Variants in IQSEC1 observed in about 807,000 individuals in gnomAD.
IQSEC1 encodes the protein IQ motif and Sec7 domain ArfGEF 1.
In IQSEC1, 31 loss-of-function variants were observed where a neutral mutation model predicts 91.0. The ratio of observed to expected loss-of-function variants is 0.34; its 90% CI spans 0.26 to 0.46. The LOEUF (loss-of-function observed/expected upper bound fraction) is 0.46, where lower values mean the gene tolerates loss of function less well. Ranked by LOEUF, IQSEC1 falls within the 20% of genes least tolerant of loss-of-function variation. The pLI is 1.00. For synonymous variants in IQSEC1, 699 were observed against 662.6 expected, an observed-to-expected ratio of 1.05 and a Z score of -0.84; for missense variants, 1,388 against 1,575.6, an observed-to-expected ratio of 0.88 and a Z score of 2.02.
At chr3:12,923,189 C>CG (rs1222259669) in intron 4 of IQSEC1, among the ~76,000 whole-genome samples, 1 of 151,872 alleles carries the variant, frequency 6.6e-6, no homozygotes. Flanking sequence ...TGTGGTGGCC[C>CG]GGGGGAGCCA....
At chr3:12,977,004 G>A (rs1701212118) in intron 1 of IQSEC1, among the ~76,000 whole-genome samples, 1 of 152,212 alleles carries the variant, frequency 6.6e-6, no homozygotes. Context: ...GGAGAGCTCA[G>A]TATTTAAAGG....
chr3:12,902,286 G>A (rs1341506139), intron 13 of IQSEC1, among the ~76,000 whole-genome samples: 3 of 152,068 alleles, frequency 2.0e-5, no homozygotes, highest in African/African-American at 7.2e-5. Context: ...GTGTCCTGCC[G>A]CAGACACACA....
intron 2 of IQSEC1, among the ~76,000 whole-genome samples, chr3:13,095,866 G>A (rs1034312800): frequency 6.6e-6 from 1 of 152,242 alleles, no homozygotes; most frequent in Non-Finnish European, 1.5e-5. Context: ...TGGGAAGGAT[G>A]AGGCTGAGGG....
At chr3:13,070,546 G>A (rs979433335) in intron 1 of IQSEC1, among the ~76,000 whole-genome samples, 1 of 152,236 alleles carries the variant, frequency 6.6e-6, no homozygotes, top group African/African-American at 2.4e-5. Flanking sequence ...GCCTGCCGCG[G>A]GTTCTGGGTG....
At chr3:13,072,380 A>G (rs1705463595) in intron 1 of IQSEC1, among the ~76,000 whole-genome samples, 1 of 152,184 alleles carries the variant, frequency 6.6e-6, no homozygotes, top group Non-Finnish European at 1.5e-5. Context: ...TGGTTTCCAT[A>G]AATACCCGGG....
At chr3:12,971,536 T>C (rs571823143) in intron 1 of IQSEC1, among the ~76,000 whole-genome samples, 46 of 152,264 alleles carry the variant, frequency 3.0e-4, no homozygotes, top group African/African-American at 1.0e-3. Flanking sequence ...TGCATACTTA[T>C]AGGAAAAGAT....
In IQSEC1 at chr3:13,071,903, C is replaced by T. The variant is rs192370306; in HGVS notation, c.23+1089G>A. 1.4e-4 allele frequency among the ~76,000 whole-genome samples: 22 copies of T among 152,364 alleles called. No homozygotes were observed. The East Asian group carries it at 3.7e-3, about 25-fold the overall frequency. ...CACCGCCATCCCCCGTGGGTTGCCG[C>T]CTGGCACTGCTGACGCAGCAGAGGC... On this transcript the variant is annotated intron_variant, in intron 1 of 13. Transcript: ENST00000613206.
chr3:13,125,710 G>C (rs1706501864), intron 2 of IQSEC1, among the ~76,000 whole-genome samples: 1 of 152,204 alleles, frequency 6.6e-6, no homozygotes, highest in African/African-American at 2.4e-5. Context: ...CCGCTTGTGG[G>C]GGATAAGGGC....
chr3:12,963,814 T>C (rs1034915457), intron 1 of IQSEC1, among the ~76,000 whole-genome samples: 1 of 152,172 alleles, frequency 6.6e-6, no homozygotes, highest in African/African-American at 2.4e-5. Flanking sequence ...TCAGTAAATG[T>C]TTGTTGTGTG....
At chr3:13,260,948 C>T (rs1695375421) in intron 1 of IQSEC1, among the ~76,000 whole-genome samples, 1 of 152,184 alleles carries the variant, frequency 6.6e-6, no homozygotes, top group African/African-American at 2.4e-5. Flanking sequence ...ACAGCAGAGA[C>T]TGGTGGAAAT....
intron 1 of IQSEC1, among the ~76,000 whole-genome samples, chr3:12,954,899 G>A (rs1173054612): frequency 6.6e-6 from 1 of 152,304 alleles, no homozygotes. Context: ...GGGGCAGAAC[G>A]GGTCCTCAGT....
intron 2 of IQSEC1, among the ~76,000 whole-genome samples, chr3:13,115,664 CT>C (rs1357655947): frequency 4.6e-5 from 7 of 152,242 alleles, no homozygotes; most frequent in Non-Finnish European, 1.0e-4. Flanking sequence ...GTTCTGGCCC[CT>C]GTCACTTGTC....
chr3:13,116,600 T>C (rs1706339702), intron 2 of IQSEC1, among the ~76,000 whole-genome samples: 1 of 152,050 alleles, frequency 6.6e-6, no homozygotes, highest in African/African-American at 2.4e-5. Flanking sequence ...CATGACACTA[T>C]ACACAAAAGC....
chr3:13,017,020 C>T (rs1231428102), intron 1 of IQSEC1, among the ~76,000 whole-genome samples: 1 of 152,196 alleles, frequency 6.6e-6, no homozygotes, highest in Non-Finnish European at 1.5e-5. Flanking sequence ...GCATGATGTC[C>T]TCAAGGTTCA....
intron 1 of IQSEC1, among the ~76,000 whole-genome samples, chr3:13,006,911 C>A (rs567600243): frequency 2.0e-5 from 3 of 152,232 alleles, no homozygotes; most frequent in African/African-American, 4.8e-5. Flanking sequence ...ACTGGCGGAG[C>A]CCCTGCAGCC....
rs150728897 is a variant in IQSEC1 at position 13,193,103 on chromosome 3, T to C, written c.273-28970A>G. ...GACAGGAACCCAGTTGCAGCAGGGA[T>C]GGGCAGTGTCTTTTCTCAGCCTTGT... On this transcript the variant is annotated intron_variant, in intron 1 of 15. Transcript: ENST00000648114. The surrounding 1 kb of genome is among the most constrained non-coding windows in gnomAD (Gnocchi z 4.2). Among the ~76,000 whole-genome samples the C allele has an allele frequency of 1.2e-4, 19 of 152,326 alleles. No individual in the cohort carries two copies. In the East Asian group the frequency reaches 3.7e-3, roughly 29 times the overall value.
At chr3:12,986,784 G>T (rs566406467) in intron 1 of IQSEC1, among the ~76,000 whole-genome samples, 1 of 152,212 alleles carries the variant, frequency 6.6e-6, no homozygotes, top group Non-Finnish European at 1.5e-5. Flanking sequence ...GTGCCTGTGC[G>T]CATATGTGAG....
At chr3:13,058,106 C>T (rs1373282694) in intron 1 of IQSEC1, among the ~76,000 whole-genome samples, 1 of 152,146 alleles carries the variant, frequency 6.6e-6, no homozygotes. Flanking sequence ...AACCCTGTCT[C>T]AACTAAAAAT....
intron 1 of IQSEC1, among the ~76,000 whole-genome samples, chr3:12,954,140 C>A (rs539181924): frequency 6.6e-6 from 1 of 152,338 alleles, no homozygotes; most frequent in Admixed American, 6.5e-5. Context: ...CTCCAGCCTC[C>A]CCAGCCCAGG....
Sources: allele counts gnomAD v4.1 joint callset (sites outside exome capture counted in the v4.1 genomes callset), GRCh38; gene constraint gnomAD v4.1.1; non-coding constraint Gnocchi (gnomAD v3.1); transcripts MANE v1.5; gene names NCBI Gene and HGNC (gene_info 2026-07-23, HGNC 2026-07-21).